The following FAM149A variants were observed in gnomAD, a reference collection of about 807,000 sequenced individuals.
The protein encoded by FAM149A is family with sequence similarity 149 member A.
In FAM149A, 71 loss-of-function variants were observed where a neutral mutation model predicts 78.2. That is an observed-to-expected ratio of 0.91 (90% CI 0.75 to 1.11). FAM149A has a LOEUF of 1.11. FAM149A is among the 50% of genes least tolerant of loss of function. The pLI is 0.00. For synonymous variants in FAM149A, 446 were observed against 410.5 expected (o/e 1.09, Z -1.04); for missense variants, 1,036 against 971.0 (o/e 1.07, Z -0.89).
chr4:186,154,774 G>A, intron 6 of FAM149A, 136 bp downstream of exon 6: 2 of 1,426,672 alleles, frequency 1.4e-6, no homozygotes, highest in Non-Finnish European at 1.8e-6. Flanking sequence ...TGAGAGTAAT[G>A]TACTCCCCAG....
chr4:186,154,879 G>A (rs1423519623), intron 6 of FAM149A: 1 of 985,394 alleles, frequency 1.0e-6, no homozygotes, highest in African/African-American at 1.7e-5. Context: ...TCGCAGCCCT[G>A]GTCCTGGGGG....
chr4:186,111,461 G>A (rs2099311246), intron 1 of FAM149A, among the ~76,000 whole-genome samples: 1 of 152,014 alleles, frequency 6.6e-6, no homozygotes, highest in Non-Finnish European at 1.5e-5. Context: ...TGGACATGAA[G>A]TCCTTGCCCA....
intron 1 of FAM149A, chr4:186,126,168 AGGG>A (rs2099318246): frequency 1.1e-6 from 1 of 893,058 alleles, no homozygotes; most frequent in Admixed American, 6.2e-5. Context: ...ACTCATTACT[AGGG>A]GTACCTCGAG....
Position 186,144,722 on chromosome 4 carries a change from GCGGGGCCGGGGC to G in FAM149A, c.567-4437_567-4426del, listed in dbSNP as rs367678629. 68 of 637,874 alleles carry G rather than the reference GCGGGGCCGGGGC, an allele frequency of 1.1e-4. No homozygotes were observed. Among genetic ancestry groups the G allele is most frequent in the East Asian group, 4.4e-4 (3 of 6,852 alleles). 39.5% of individuals were successfully genotyped at this position (637,874 alleles called of 1,614,324 possible). A position where few individuals can be genotyped will look rare whatever the true frequency, so the allele number is the denominator to read the frequency against. On this transcript the variant is annotated intron_variant, in intron 1 of 13. Transcript: ENST00000389354. The surrounding 1 kb of genome is among the most constrained non-coding windows in gnomAD (Gnocchi z 4.2). ...AAGGCGCGCTTTCCCGGAGGTCGGC[GCGGGGCCGGGGC>G]CGGGGCCGGGGCCCGGAGCGGGGAT...
rs115416898 is a variant in FAM149A, at chr4:186,104,836, G to C, written c.-241G>C. ...CTTCGGCCCTCGGGGGTCTCACGGC[G>C]CTGGGACGAGGCGGGGCTGCTCTCC... On this transcript the variant is annotated 5_prime_UTR_variant, in exon 1 of 14. Coordinates refer to ENST00000389354, the MANE Select transcript of FAM149A (RefSeq NM_001367768.3). 9.4e-5 allele frequency: 49 copies of C among 523,378 alleles called. 1 individual carries two copies. The East Asian group carries it at 7.0e-3, about 75-fold the overall frequency. The allele number at this position is 523,378 out of a possible 1,614,324, so 32.4% of individuals were successfully genotyped here. A position where few individuals can be genotyped will look rare whatever the true frequency, so the allele number is the denominator to read the frequency against.
At chr4:186,160,735 CCACACACACCACACCACACCA>C in intron 8 of FAM149A, 2 of 938,794 alleles carry the variant, frequency 2.1e-6, no homozygotes, top group Non-Finnish European at 2.5e-6. Flanking sequence ...TCACCACACC[CCACACACACCACACCACACCA>C]CACACACACC....
At chr4:186,165,576 C>T in intron 11 of FAM149A, 112 bp downstream of exon 11, 3 of 1,082,404 alleles carry the variant, frequency 2.8e-6, no homozygotes, top group Non-Finnish European at 4.0e-6. Flanking sequence ...ATCTGAGTAG[C>T]TGTATTCAAA....
At chr4:186,158,689 C>T in intron 8 of FAM149A, 1 of 978,216 alleles carries the variant, frequency 1.0e-6, no homozygotes, top group Non-Finnish European at 1.2e-6. Flanking sequence ...TGCTGCTCAG[C>T]CTGAGGCTGC....
chr4:186,157,790 T>C, intron 8 of FAM149A, 71 bp downstream of exon 8: 1 of 1,565,986 alleles, frequency 6.4e-7, no homozygotes, highest in Non-Finnish European at 8.7e-7. Flanking sequence ...TGTCGTTCTG[T>C]TAAACTGCAG....
Position 186,105,660 on chromosome 4 carries a change from C to G in FAM149A, c.566+18C>G, listed in dbSNP as rs1195073745. 14 of 1,053,500 alleles carry G rather than the reference C, an allele frequency of 1.3e-5. 1 individual carries two copies. Among genetic ancestry groups the G allele is most frequent in the Non-Finnish European group, 1.6e-5 (14 of 868,874 alleles). The allele number at this position is 1,053,500 out of a possible 1,614,324, so 65.3% of individuals were successfully genotyped here. A position where few individuals can be genotyped will look rare whatever the true frequency, so the allele number is the denominator to read the frequency against. ...GGCGAAGCGTGAGTAGCAGCGTGGT[C>G]CGGGCGCGTGTACCTTTTGCCGGGA... On this transcript the variant is annotated intron_variant, in intron 1 of 13. Coordinates refer to ENST00000389354, the MANE Select transcript of FAM149A (RefSeq NM_001367768.3).
chr4:186,158,624 C>T (rs1190260365), intron 8 of FAM149A: 1 of 1,090,804 alleles, frequency 9.2e-7, no homozygotes. Flanking sequence ...GCAGACCCAG[C>T]CCCTGCACAC....
chr4:186,152,405 A>G (rs1250222228), intron 4 of FAM149A, among the ~76,000 whole-genome samples: 1 of 152,056 alleles, frequency 6.6e-6, no homozygotes, highest in East Asian at 1.9e-4. Flanking sequence ...GGCAGAGATG[A>G]TTTGCTGAAC....
intron 8 of FAM149A, chr4:186,158,190 C>T (rs1448036569): frequency 7.8e-7 from 1 of 1,279,076 alleles, no homozygotes; most frequent in Non-Finnish European, 1.0e-6. Context: ...GCCACTCCAG[C>T]TGCTGGCCGC....
intron 1 of FAM149A, among the ~76,000 whole-genome samples, chr4:186,115,477 T>C (rs1457866204): frequency 9.5e-6 from 1 of 105,766 alleles, no homozygotes; most frequent in Non-Finnish European, 1.9e-5. Flanking sequence ...CGCTCTGCGT[T>C]TTAGAGTTTC....
At chr4:186,162,286 A>C (rs1734665636) in intron 8 of FAM149A, among the ~76,000 whole-genome samples, 1 of 152,210 alleles carries the variant, frequency 6.6e-6, no homozygotes, top group Non-Finnish European at 1.5e-5. Flanking sequence ...CGCTTCTGGG[A>C]AGAGAACCCA....
At chr4:186,127,465 T>G (rs963622410) in intron 1 of FAM149A, 2 of 985,440 alleles carry the variant, frequency 2.0e-6, no homozygotes. Context: ...GAGGCTGGCC[T>G]CTCCAAAGTC....
chr4:186,105,123 T>G lies in FAM149A; in HGVS notation c.47T>G (p.Phe16Cys). Residue 16 changes from phenylalanine to cysteine, a missense_variant, in exon 1 of 14, where the codon TTC becomes TGC. Coordinates refer to ENST00000389354, the MANE Select transcript of FAM149A (RefSeq NM_001367768.3). ...CTTGGGTCTCTCTTGGCCAAACTCT[T>G]CGAGACCTCGACGGCGCCCCCCGCA... 7.8e-7 allele frequency: 1 copy of G among 1,280,690 alleles called. No individual in the cohort carries two copies. Among genetic ancestry groups the G allele is most frequent in the Non-Finnish European group, 1.0e-6 (1 of 985,174 alleles). The allele number at this position is 1,280,690 out of a possible 1,614,324, so 79.3% of individuals were successfully genotyped here.
At chr4:186,128,759 C>G (rs868282321) in intron 1 of FAM149A, among the ~76,000 whole-genome samples, 28 of 152,106 alleles carry the variant, frequency 1.8e-4, no homozygotes, top group African/African-American at 6.5e-4. Context: ...AATATTCACA[C>G]TTTGAGCTTA....
At chr4:186,120,147 G>A (rs868799155) in intron 1 of FAM149A, among the ~76,000 whole-genome samples, 5 of 151,988 alleles carry the variant, frequency 3.3e-5, no homozygotes, top group East Asian at 1.9e-4. Flanking sequence ...TTGAAGTAAC[G>A]GCTGGTATTT....
Sources: allele counts gnomAD v4.1 joint callset (sites outside exome capture counted in the v4.1 genomes callset), GRCh38; gene constraint gnomAD v4.1.1; non-coding constraint Gnocchi (gnomAD v3.1); transcripts MANE v1.5; gene names NCBI Gene and HGNC (gene_info 2026-07-23, HGNC 2026-07-21).